The following SCAP variants were observed in gnomAD, a reference collection of about 807,000 sequenced individuals.
The protein encoded by SCAP is SREBF chaperone.
Under a neutral mutation model 123.6 loss-of-function variants are expected in SCAP, and 65 were observed. The ratio of observed to expected loss-of-function variants is 0.53; its 90% CI spans 0.43 to 0.65. The LOEUF (loss-of-function observed/expected upper bound fraction) is 0.65. SCAP is among the 30% of genes least tolerant of loss of function. SCAP has a pLI of 0.00. For synonymous variants in SCAP, 740 were observed against 726.3 expected, an observed-to-expected ratio of 1.02 and a Z score of -0.30; for missense variants, 1,398 against 1,712.5, an observed-to-expected ratio of 0.82 and a Z score of 3.24.
rs757976509 is a variant in SCAP, at chr3:47,414,028, G to C, written c.3666C>G (p.Val1222=). 1.2e-6 allele frequency: 2 copies of C among 1,613,166 alleles called. No individual in the cohort carries two copies. The highest frequency in any genetic ancestry group is 1.7e-6 in the Non-Finnish European group (2 of 1,180,030). ...NLLVTGGQGC[V]SFWDLNYGDL... ...CCCCGTAGTTTAGGTCCCAAAAGGA[G>C]ACACAGCCCTGGCCGCCAGTCACCA... The change falls in exon 23 of 23, where the codon GTC becomes GTG. Residue 1222 remains valine (V), a synonymous_variant. Transcript: ENST00000265565.
Position 47,419,237 on chromosome 3 carries a change from T to C in SCAP, c.1940+91A>G. On this transcript the variant is annotated intron_variant, in intron 13 of 22. Coordinates refer to ENST00000265565, the MANE Select transcript of SCAP (RefSeq NM_012235.4). The surrounding 1 kb of genome is among the most constrained non-coding windows in gnomAD (Gnocchi z 5.0). ...TTATGAACTGTTTTAATTATTTGCA[T>C]AATTCAAACCTGTGGGCCTCCTGCA... 6.8e-7 allele frequency: 1 copy of C among 1,464,526 alleles called. No homozygotes were observed. The highest frequency in any genetic ancestry group is 2.3e-5 in the East Asian group (1 of 43,750). The allele number at this position is 1,464,526 out of a possible 1,614,324, so 90.7% of individuals were successfully genotyped here. A position where few individuals can be genotyped will look rare whatever the true frequency, so the allele number is the denominator to read the frequency against.
chr3:47,463,754 G>A (rs1707730223), intron 1 of SCAP, among the ~76,000 whole-genome samples: 2 of 152,068 alleles, frequency 1.3e-5, no homozygotes, highest in African/African-American at 4.8e-5. Flanking sequence ...GCTTAGCCTT[G>A]TTCACTGCTG....
chr3:47,414,727 G>A lies in SCAP; in HGVS notation c.3307-75C>T, dbSNP rs1043523357. ...ATACTTTGGCTGGGAAATGCCCTCTGTTCTTCATCAGGACTCTTCCAGCCT... is the reference window on the plus strand; with the variant it reads ...ATACTTTGGCTGGGAAATGCCCTCTATTCTTCATCAGGACTCTTCCAGCCT... On this transcript the variant is annotated intron_variant, in intron 20 of 22. Coordinates refer to ENST00000265565, the MANE Select transcript of SCAP (RefSeq NM_012235.4). The A allele has an allele frequency of 5.0e-6, 8 of 1,610,000 alleles. No individual in the cohort carries two copies. The Admixed American group carries it at 1.0e-4, about 20-fold the overall frequency.
chr3:47,414,713 G>T, intron 20 of SCAP, 61 bp from the exon 21 acceptor site: 1 of 1,610,918 alleles, frequency 6.2e-7, no homozygotes, highest in South Asian at 1.1e-5. Flanking sequence ...TACTTTGGCT[G>T]GGAAATGCCC....
rs1705640595 is a variant in SCAP at position 47,417,453 on chromosome 3, C to G, written c.2821G>C (p.Val941Leu). ...PALRPPSPGP[V>L]LSQAPEDEGG... is the part of the protein sequence containing the mutation. ...TCGTCCTCAGGGGCCTGGGACAGCACCGGCCCAGGCGAGGGTGGGCGCAGG... is the reference window on the plus strand; with the variant it reads ...TCGTCCTCAGGGGCCTGGGACAGCAGCGGCCCAGGCGAGGGTGGGCGCAGG... Residue 941 changes from valine (V) to leucine (L), a missense_variant, in exon 17 of 23, where the codon GTG becomes CTG. This residue lies in a region of SCAP where 828 missense variants were observed against 882.5 expected (regional missense o/e 0.94). Transcript: ENST00000265565. 2 of 1,552,184 alleles carry G rather than the reference C, an allele frequency of 1.3e-6. No homozygotes were observed. The highest frequency in any genetic ancestry group is 1.7e-6 in the Non-Finnish European group (2 of 1,148,542).
intron 1 of SCAP, among the ~76,000 whole-genome samples, chr3:47,448,424 A>G (rs1336986448): frequency 6.6e-6 from 1 of 152,126 alleles, no homozygotes; most frequent in East Asian, 1.9e-4. Flanking sequence ...GAACAGAAAC[A>G]TATTTATTCC....
intron 10 of SCAP, among the ~76,000 whole-genome samples, chr3:47,421,786 A>T (rs1705912533): frequency 6.7e-6 from 1 of 148,878 alleles, no homozygotes; most frequent in Non-Finnish European, 1.5e-5. Flanking sequence ...GCCCTGGGGG[A>T]AAGACGGGCG....
chr3:47,418,789 C>T lies in SCAP; in HGVS notation c.1995G>A (p.Glu665=). The T allele has an allele frequency of 6.4e-7, 1 of 1,561,602 alleles. No individual in the cohort carries two copies. ...CCTGAGGGTGCCGGCCCTCCAGAGC[C>T]TCCCTCGGGTTCAGGCGGAGCGTGA... is the stretch of plus-strand genomic sequence containing the variant. ...IPVTLRLNPR[E]ALEGRHPQDG... The change falls in exon 14 of 23, where the codon GAG becomes GAA. Residue 665 remains glutamate, a synonymous_variant. Transcript: ENST00000265565.
chr3:47,418,301 G>A lies in SCAP; in HGVS notation c.2331+20C>T. 1.3e-6 allele frequency: 2 copies of A among 1,553,726 alleles called. No individual in the cohort carries two copies. Among genetic ancestry groups the A allele is most frequent in the Non-Finnish European group, 1.7e-6 (2 of 1,148,990 alleles). ...CCAGGCTCCGGCCCTCCCCTACCCG[G>A]CCACTGTGCCCCTGCTCACCATGAG... On this transcript the variant is annotated intron_variant, in intron 15 of 22. Coordinates refer to ENST00000265565, the MANE Select transcript of SCAP (RefSeq NM_012235.4).
rs1247124251 is a variant in SCAP at position 47,451,346 on chromosome 3, T to A, written c.-98-8255A>T. Among the ~76,000 whole-genome samples the A allele has an allele frequency of 1.7e-5, 2 of 118,924 alleles. 1 individual carries two copies. Among genetic ancestry groups the A allele is most frequent in the African/African-American group, 5.8e-5 (2 of 34,654 alleles). The allele number at this position is 118,924 out of a possible 152,430, so 78.0% of individuals were successfully genotyped here. A position where few individuals can be genotyped will look rare whatever the true frequency, so the allele number is the denominator to read the frequency against. On this transcript the variant is annotated intron_variant, in intron 1 of 22. Transcript: ENST00000265565. ...GCTGACTATTTTTCAATTATAAAAG[T>A]AAAAATATACATGTTTATATTCAAA...
At chr3:47,470,900 T>C (rs1708002892) in intron 1 of SCAP, among the ~76,000 whole-genome samples, 1 of 152,030 alleles carries the variant, frequency 6.6e-6, no homozygotes, top group South Asian at 2.1e-4. Flanking sequence ...TTCCCCAGCA[T>C]ACTAGTGGGC....
At chr3:47,424,494 G>A (rs976971746) in intron 8 of SCAP, among the ~76,000 whole-genome samples, 1 of 152,240 alleles carries the variant, frequency 6.6e-6, no homozygotes, top group Non-Finnish European at 1.5e-5. Flanking sequence ...CACCTTTGTT[G>A]AGAAGCTGTG....
At chr3:47,424,701 G>A (rs1190915380) in intron 8 of SCAP, among the ~76,000 whole-genome samples, 2 of 152,174 alleles carry the variant, frequency 1.3e-5, no homozygotes, top group Non-Finnish European at 2.9e-5. Context: ...GGGGGAGGGT[G>A]GTGTTTAACA....
upstream of SCAP, among the ~76,000 whole-genome samples, chr3:47,476,499 G>A (rs1233537389): frequency 6.6e-6 from 1 of 152,172 alleles, no homozygotes; most frequent in Non-Finnish European, 1.5e-5. Flanking sequence ...GAGATACACT[G>A]CAAATGCAGA....
At chr3:47,465,957 A>AC (rs1707810111) in intron 1 of SCAP, among the ~76,000 whole-genome samples, 1 of 151,960 alleles carries the variant, frequency 6.6e-6, no homozygotes, top group African/African-American at 2.4e-5. Context: ...ACATGGTGAA[A>AC]CCCCGTCTCT....
chr3:47,459,386 G>T (rs765046298), intron 1 of SCAP, among the ~76,000 whole-genome samples: 1 of 152,238 alleles, frequency 6.6e-6, no homozygotes, highest in Non-Finnish European at 1.5e-5. Flanking sequence ...AATGGGAGAT[G>T]TGACGAGTCT....
chr3:47,421,036 T>A lies in SCAP; in HGVS notation c.1246-7A>T. ...CAGCAAAGAGACAGAACTCCTGGAATCAGAGCACATGGGGATGGGGGGGTG... is the reference window on the plus strand; with the variant it reads ...CAGCAAAGAGACAGAACTCCTGGAAACAGAGCACATGGGGATGGGGGGGTG... On this transcript the variant is annotated splice_region_variant and splice_polypyrimidine_tract_variant and intron_variant, in intron 10 of 22. Transcript: ENST00000265565. 6.2e-7 allele frequency: 1 copy of A among 1,610,812 alleles called. No homozygotes were observed.
intron 3 of SCAP, among the ~76,000 whole-genome samples, chr3:47,432,546 C>G (rs901103492): frequency 2.0e-5 from 3 of 152,114 alleles, no homozygotes; most frequent in African/African-American, 7.2e-5. Context: ...CACGCGTATG[C>G]AATAAACGAG....
At chr3:47,468,093 C>A (rs991871801) in intron 1 of SCAP, among the ~76,000 whole-genome samples, 2 of 152,108 alleles carry the variant, frequency 1.3e-5, no homozygotes, top group African/African-American at 2.4e-5. Flanking sequence ...TGTATATGTG[C>A]CACATTTTCT....
Sources: allele counts gnomAD v4.1 joint callset (sites outside exome capture counted in the v4.1 genomes callset), GRCh38; gene constraint gnomAD v4.1.1; regional missense constraint gnomAD v4.1.1; non-coding constraint Gnocchi (gnomAD v3.1); transcripts MANE v1.5; gene names NCBI Gene and HGNC (gene_info 2026-07-23, HGNC 2026-07-21).